CFAP61: variants seen among roughly 807,000 people sequenced by gnomAD.
CFAP61 encodes the protein cilia and flagella associated protein 61.
A neutral mutation model predicts 135.6 loss-of-function variants in CFAP61; 107 were observed. That is an observed-to-expected ratio of 0.79 (90% confidence interval 0.67 to 0.93). The LOEUF is 0.93. Among genes scored for constraint, CFAP61 ranks in the 40% least tolerant of loss-of-function variants. CFAP61 has a pLI of 0.00. For synonymous variants in CFAP61, 575 were observed against 578.5 expected, an observed-to-expected ratio of 0.99 and a Z score of 0.09; for missense variants, 1,507 against 1,556.2, an observed-to-expected ratio of 0.97 and a Z score of 0.53.
At chr20:20,340,727 G>A (rs2058412087) in intron 25 of CFAP61, among the ~76,000 whole-genome samples, 2 of 152,156 alleles carry the variant, frequency 1.3e-5, no homozygotes, top group Admixed American at 6.5e-5. Flanking sequence ...CTCCGATGGT[G>A]CCATGGAAAC....
At chr20:20,352,242 T>C (rs1449429454) in intron 26 of CFAP61, among the ~76,000 whole-genome samples, 1 of 152,136 alleles carries the variant, frequency 6.6e-6, no homozygotes, top group Non-Finnish European at 1.5e-5. Context: ...TCAGATCTCA[T>C]GAGAACTCAC....
chr20:20,081,504 T>A (rs980208933), intron 6 of CFAP61, among the ~76,000 whole-genome samples: 1 of 152,206 alleles, frequency 6.6e-6, no homozygotes, highest in Non-Finnish European at 1.5e-5. Flanking sequence ...TATTGTCTGT[T>A]AATTTACTCG....
intron 13 of CFAP61, among the ~76,000 whole-genome samples, chr20:20,181,681 T>C (rs1454003261): frequency 2.6e-5 from 4 of 152,176 alleles, no homozygotes; most frequent in African/African-American, 9.7e-5. Flanking sequence ...ACCTTGCTTT[T>C]TCTGTGGATG....
chr20:20,073,952 G>A (rs542102608), intron 3 of CFAP61: 83 of 222,008 alleles, frequency 3.7e-4, no homozygotes, highest in African/African-American at 1.8e-3. Context: ...CTTTCACTTG[G>A]CATAGACACC....
chr20:20,246,659 A>C (rs1319259169), intron 19 of CFAP61, among the ~76,000 whole-genome samples: 1 of 152,262 alleles, frequency 6.6e-6, no homozygotes, highest in Non-Finnish European at 1.5e-5. Context: ...TATTGTCTTC[A>C]TCCCAGTAGA....
At chr20:20,222,330 A>C (rs1039266094) in intron 17 of CFAP61, among the ~76,000 whole-genome samples, 1 of 152,188 alleles carries the variant, frequency 6.6e-6, no homozygotes, top group Admixed American at 6.5e-5. Context: ...GAAAAATGGA[A>C]GTGAAAGAAA....
intron 14 of CFAP61, among the ~76,000 whole-genome samples, chr20:20,188,540 G>A (rs2055679166): frequency 6.6e-6 from 1 of 152,108 alleles, no homozygotes; most frequent in Non-Finnish European, 1.5e-5. Context: ...GGATTACATG[G>A]GCTGGGAAAG....
At chr20:20,356,183 T>G (rs1189807192) in intron 26 of CFAP61, among the ~76,000 whole-genome samples, 6 of 93,410 alleles carry the variant, frequency 6.4e-5, no homozygotes, top group African/African-American at 1.8e-4. Context: ...TGAGGGGGGG[T>G]GGTCACACTG....
chr20:20,115,306 T>C (rs533707996), intron 8 of CFAP61, among the ~76,000 whole-genome samples: 4 of 151,658 alleles, frequency 2.6e-5, no homozygotes, highest in African/African-American at 9.7e-5. Flanking sequence ...AGTTAGTTTA[T>C]TACTTCCAAA....
intron 25 of CFAP61, among the ~76,000 whole-genome samples, chr20:20,329,039 G>T (rs1243942419): frequency 6.6e-6 from 1 of 152,104 alleles, no homozygotes; most frequent in Non-Finnish European, 1.5e-5. Context: ...GTTCCTGGTG[G>T]TTTTTGGCTG....
chr20:20,057,150 C>G (rs6046580), intron 2 of CFAP61, among the ~76,000 whole-genome samples: 1 of 149,490 alleles, frequency 6.7e-6, no homozygotes, highest in Admixed American at 6.7e-5. Flanking sequence ...AAGAAGGTTC[C>G]TCAATTTTAT....
intron 20 of CFAP61, chr20:20,253,291 T>C (rs1182382967): frequency 6.6e-6 from 1 of 152,558 alleles, no homozygotes; most frequent in Non-Finnish European, 1.5e-5. Flanking sequence ...TTCCATTTAT[T>C]GTTGGATGAG....
At chr20:20,179,492 AACT>A (rs2054888245) in intron 13 of CFAP61, among the ~76,000 whole-genome samples, 1 of 152,220 alleles carries the variant, frequency 6.6e-6, no homozygotes, top group South Asian at 2.1e-4. Context: ...ATTCCTGTTA[AACT>A]ACTATTGACA....
intron 19 of CFAP61, 148 bp from the exon 20 acceptor site, chr20:20,251,447 C>T (rs78086978): frequency 2.6e-4 from 132 of 498,556 alleles, no homozygotes; most frequent in African/African-American, 2.0e-3. Flanking sequence ...TGTTTCATAA[C>T]GAAAAATCTC....
At chr20:20,326,900 T>C (rs2057769662) in intron 25 of CFAP61, among the ~76,000 whole-genome samples, 1 of 152,200 alleles carries the variant, frequency 6.6e-6, no homozygotes, top group African/African-American at 2.4e-5. Flanking sequence ...GGTACATTTA[T>C]AAAATGGAAT....
In CFAP61 at chr20:20,052,678, G is replaced by A. The variant is rs74404969; in HGVS notation, c.-37+87G>A. On this transcript the variant is annotated intron_variant, in intron 1 of 26. Coordinates refer to ENST00000245957, the MANE Select transcript of CFAP61 (RefSeq NM_015585.4). ...CATCCCCAGGTCAGCCTCCGGAACTGGGATGACCAGGCGAGGACGAGTGGC... is the reference window on the plus strand; with the variant it reads ...CATCCCCAGGTCAGCCTCCGGAACTAGGATGACCAGGCGAGGACGAGTGGC... 6.9e-3 allele frequency: 11,181 copies of A among 1,612,988 alleles called. 54 individuals are homozygous for A. The highest frequency in any genetic ancestry group is 9.7e-3 in the Middle Eastern group (59 of 6,054).
chr20:20,229,630 C>T (rs191249750), intron 18 of CFAP61, among the ~76,000 whole-genome samples: 72 of 152,220 alleles, frequency 4.7e-4, no homozygotes, highest in Admixed American at 9.2e-4. Flanking sequence ...GCCTGGTTAA[C>T]GTGGAGACGA....
At chr20:20,205,226 C>T (rs751466674) in intron 17 of CFAP61, among the ~76,000 whole-genome samples, 11 of 152,206 alleles carry the variant, frequency 7.2e-5, no homozygotes, top group Non-Finnish European at 5.9e-5. Context: ...ATTACTGTTA[C>T]TTCCTGAGCT....
At position 20,246,112 on chromosome 20, in the gene CFAP61, T is replaced by G; in HGVS notation, c.2061-5T>G. The G allele has an allele frequency of 6.3e-7, 1 of 1,578,998 alleles. No individual in the cohort carries two copies. Among genetic ancestry groups the G allele is most frequent in the Non-Finnish European group, 8.7e-7 (1 of 1,154,606 alleles). On this transcript the variant is annotated splice_region_variant and splice_polypyrimidine_tract_variant and intron_variant, in intron 18 of 26. Transcript: ENST00000245957. ...TTGTTCTTTTTCATTTTTCTTTTTC[T>G]TTAGCTCTCACATGAAGTTTAATAA...
Sources: gnomAD v4.1 joint callset for allele counts (sites outside exome capture counted in the v4.1 genomes callset) on GRCh38, gnomAD v4.1.1 for gene constraint, MANE v1.5 for transcripts, NCBI Gene and HGNC (gene_info 2026-07-23, HGNC 2026-07-21) for gene names.